The following WDR41 variants were observed in gnomAD, a reference collection of about 807,000 sequenced individuals.
The protein encoded by WDR41 is WD repeat domain 41.
In WDR41, 63 loss-of-function variants were observed where a neutral mutation model predicts 69.3. The observed-to-expected ratio is 0.91, with a 90% CI of 0.74 to 1.12. WDR41 has a LOEUF of 1.12. WDR41 is among the 50% of genes most tolerant of loss of function. The pLI is 0.00. For synonymous variants in WDR41, 185 were observed against 192.1 expected (o/e 0.96, Z 0.31); for missense variants, 543 against 534.5 (o/e 1.02, Z -0.16).
intron 1 of WDR41, chr5:77,582,904 C>G: frequency 6.2e-7 from 1 of 1,608,436 alleles, no homozygotes. Flanking sequence ...TTTGATTGCT[C>G]GATCTCTTGG....
chr5:77,557,283 C>A (rs1205111760), intron 1 of WDR41, among the ~76,000 whole-genome samples: 1 of 151,886 alleles, frequency 6.6e-6, no homozygotes, highest in Non-Finnish European at 1.5e-5. Context: ...AAACAAAAAA[C>A]CATTAAGAGA....
In WDR41 at chr5:77,473,667, T is replaced by G. The variant is rs186944098; in HGVS notation, c.168-8858A>C. Among the ~76,000 whole-genome samples, 420 of 152,314 alleles carry G rather than the reference T, an allele frequency of 2.8e-3. 4 individuals carry two copies. Among genetic ancestry groups the G allele is most frequent in the African/African-American group, 9.9e-3 (410 of 41,554 alleles). On this transcript the variant is annotated intron_variant, in intron 2 of 12. Coordinates refer to ENST00000296679, the MANE Select transcript of WDR41 (RefSeq NM_018268.4). The stretch of plus-strand genomic sequence containing the variant: ...ACAGACACTTCTCAAAAGAAGATAT[T>G]TATGCAGCCAAAAGACACATGAGAA...
intron 5 of WDR41, among the ~76,000 whole-genome samples, chr5:77,457,557 A>C (rs1371555221): frequency 1.3e-5 from 2 of 152,100 alleles, no homozygotes; most frequent in African/African-American, 4.8e-5. Flanking sequence ...TCACTGGATT[A>C]ATGCATATAA....
At chr5:77,571,026 T>A (rs946405527) in intron 1 of WDR41, among the ~76,000 whole-genome samples, 3 of 152,028 alleles carry the variant, frequency 2.0e-5, no homozygotes, top group African/African-American at 7.3e-5. Context: ...TTTAATGCAA[T>A]TAAGAATGGT....
At chr5:77,523,713 T>C (rs1048953006) in intron 1 of WDR41, among the ~76,000 whole-genome samples, 31 of 152,184 alleles carry the variant, frequency 2.0e-4, no homozygotes, top group Non-Finnish European at 2.4e-4. Context: ...GAGAAATGGA[T>C]TTGAATACAC....
chr5:77,538,073 C>T (rs1561218015), intron 1 of WDR41, among the ~76,000 whole-genome samples: 1 of 152,076 alleles, frequency 6.6e-6, no homozygotes, highest in Non-Finnish European at 1.5e-5. Context: ...AATAATTTCT[C>T]ATCATTCACC....
At chr5:77,443,816 T>C (rs1799266728) in intron 8 of WDR41, among the ~76,000 whole-genome samples, 2 of 150,766 alleles carry the variant, frequency 1.3e-5, no homozygotes, top group South Asian at 4.2e-4. Flanking sequence ...AGAAACAAAA[T>C]ATTAATGACC....
intron 1 of WDR41, among the ~76,000 whole-genome samples, chr5:77,501,547 G>A (rs763018036): frequency 5.9e-5 from 9 of 152,216 alleles, no homozygotes; most frequent in Non-Finnish European, 1.3e-4. Flanking sequence ...CAGCGTTTGA[G>A]CTCTGAGAAC....
chr5:77,436,170 G>C, intron 12 of WDR41, 91 bp downstream of exon 12: 1 of 1,489,850 alleles, frequency 6.7e-7, no homozygotes. Context: ...ATAAGAAAAA[G>C]TATATGCCTT....
At chr5:77,456,524 T>C (rs962493972) in intron 5 of WDR41, among the ~76,000 whole-genome samples, 10 of 152,328 alleles carry the variant, frequency 6.6e-5, no homozygotes, top group Admixed American at 1.3e-4. Flanking sequence ...TATTTGGGAA[T>C]AGAGACAGTT....
intron 1 of WDR41, among the ~76,000 whole-genome samples, chr5:77,613,227 A>G (rs1372058523): frequency 6.6e-6 from 1 of 152,190 alleles, no homozygotes; most frequent in African/African-American, 2.4e-5. Flanking sequence ...GCCCAAGGTA[A>G]TTTATAGATT....
rs1399122888 is a variant in WDR41, at chr5:77,431,647, A to G, written c.*1488T>C. Reference sequence around the variant, plus strand: ...CCATTTGAATAGATTACTATCACAAAATACTAGCCTAGAACAGGCTAGGAA... The same window carrying G: ...CCATTTGAATAGATTACTATCACAAGATACTAGCCTAGAACAGGCTAGGAA... On this transcript the variant is annotated 3_prime_UTR_variant, in exon 13 of 13. Transcript: ENST00000296679. 1 of 152,216 alleles carries G rather than the reference A, an allele frequency of 6.6e-6. No individual in the cohort carries two copies. The highest frequency in any genetic ancestry group is 1.5e-5 in the Non-Finnish European group (1 of 68,030). 9.4% of individuals were successfully genotyped at this position (152,216 alleles called of 1,614,324 possible).
chr5:77,538,975 A>G (rs1057412133), intron 1 of WDR41, among the ~76,000 whole-genome samples: 2 of 152,168 alleles, frequency 1.3e-5, no homozygotes, highest in African/African-American at 4.8e-5. Context: ...ATTTCTCACA[A>G]ATCTGCAGGC....
chr5:77,453,106 C>T (rs1258492713), intron 6 of WDR41, among the ~76,000 whole-genome samples: 2 of 152,102 alleles, frequency 1.3e-5, no homozygotes, highest in African/African-American at 2.4e-5. Flanking sequence ...AAAATATCTA[C>T]GTGGAGCTAA....
chr5:77,476,592 G>A (rs1269526464), intron 2 of WDR41, among the ~76,000 whole-genome samples: 2 of 151,338 alleles, frequency 1.3e-5, no homozygotes, highest in East Asian at 1.9e-4. Context: ...AAGTGAAGGA[G>A]AAATAAAATA....
upstream of WDR41, among the ~76,000 whole-genome samples, chr5:77,496,436 CA>C (rs202219165): frequency 1.3e-5 from 2 of 151,518 alleles, no homozygotes; most frequent in Non-Finnish European, 1.5e-5. Flanking sequence ...TAGATTAATA[CA>C]AAAAAAATTA....
intron 3 of WDR41, among the ~76,000 whole-genome samples, chr5:77,463,440 T>C (rs1800156788): frequency 6.6e-6 from 1 of 152,100 alleles, no homozygotes; most frequent in Non-Finnish European, 1.5e-5. Context: ...AAAATGCTAA[T>C]TTTTAGTATA....
chr5:77,462,044 C>CA (rs1237946916), intron 4 of WDR41, among the ~76,000 whole-genome samples: 1 of 152,136 alleles, frequency 6.6e-6, no homozygotes, highest in African/African-American at 2.4e-5. Context: ...TTCTGCCCTA[C>CA]ACTGGCTGTG....
intron 1 of WDR41, among the ~76,000 whole-genome samples, chr5:77,528,986 C>T (rs751993408): frequency 1.3e-5 from 2 of 151,268 alleles, no homozygotes; most frequent in Non-Finnish European, 3.0e-5. Flanking sequence ...TAAGAATGCC[C>T]ACTGTCATTT....
Sources: allele counts gnomAD v4.1 joint callset (sites outside exome capture counted in the v4.1 genomes callset), GRCh38; gene constraint gnomAD v4.1.1; transcripts MANE v1.5; gene names NCBI Gene and HGNC (gene_info 2026-07-23, HGNC 2026-07-21).